The following B4GALT6 variants were observed in gnomAD, a reference collection of about 807,000 sequenced individuals.
B4GALT6 encodes the protein beta-1,4-galactosyltransferase 6, also known as UDP-Gal:beta-GlcNAc beta-1,4-galactosyltransferase 6.
A neutral mutation model predicts 46.3 loss-of-function variants in B4GALT6; 14 were observed. The observed-to-expected ratio is 0.30, with a 90% CI of 0.20 to 0.47. B4GALT6 has a LOEUF of 0.47. B4GALT6 is among the 20% of genes least tolerant of loss of function. The pLI is 0.99. For missense variants in B4GALT6, 386 were observed against 480.1 expected, an observed-to-expected ratio of 0.80 and a Z score of 1.83; for synonymous variants, 168 against 162.0, an observed-to-expected ratio of 1.04 and a Z score of -0.28.
chr18:31,696,860 T>C, the B4GALT6 span, among the ~76,000 whole-genome samples: 1 of 152,202 alleles, frequency 6.6e-6, no homozygotes, highest in Non-Finnish European at 1.5e-5. Flanking sequence ...AATGTGTCTT[T>C]ATTTTGCCCT....
At chr18:31,666,608 AAACT>A (rs1230309318) in intron 1 of B4GALT6, among the ~76,000 whole-genome samples, 12 of 152,332 alleles carry the variant, frequency 7.9e-5, no homozygotes, top group Middle Eastern at 3.4e-3. Context: ...AAATAGAATG[AAACT>A]AACTGAACAA....
chr18:31,664,406 G>A (rs1219593744), intron 2 of B4GALT6, among the ~76,000 whole-genome samples: 1 of 152,044 alleles, frequency 6.6e-6, no homozygotes, highest in African/African-American at 2.4e-5. Flanking sequence ...TTTACCATTA[G>A]TAAAGGAACC....
intron 6 of B4GALT6, among the ~76,000 whole-genome samples, chr18:31,629,493 G>A (rs1392018237): frequency 1.4e-4 from 11 of 76,600 alleles, no homozygotes; most frequent in East Asian, 4.9e-4. Flanking sequence ...TGTGAAAATC[G>A]GTTACCCTGG....
At chr18:31,704,290 C>T in the B4GALT6 span, among the ~76,000 whole-genome samples, 2 of 151,322 alleles carry the variant, frequency 1.3e-5, no homozygotes, top group African/African-American at 4.9e-5. Flanking sequence ...CTTACTGCAA[C>T]CTCCACCTCC....
At chr18:31,630,417 G>T (rs1195282204) in intron 6 of B4GALT6, among the ~76,000 whole-genome samples, 11 of 147,484 alleles carry the variant, frequency 7.5e-5, no homozygotes, top group Non-Finnish European at 1.3e-4. Context: ...AAAGATTTGG[G>T]TTTTTTTTTT....
chr18:31,686,997 G>A (rs944447160), upstream of B4GALT6, among the ~76,000 whole-genome samples: 14 of 152,206 alleles, frequency 9.2e-5, no homozygotes, highest in Non-Finnish European at 1.9e-4. Context: ...AGAATTTGAT[G>A]ATTCATCTAT....
chr18:31,635,060 GTC>G (rs1468293413), intron 5 of B4GALT6, among the ~76,000 whole-genome samples: 1 of 151,998 alleles, frequency 6.6e-6, no homozygotes, highest in Non-Finnish European at 1.5e-5. Context: ...GGCCAACCCT[GTC>G]TCTACTAAAA....
Position 31,684,336 on chromosome 18 carries a change from A to T in B4GALT6, c.91T>A (p.Phe31Ile). 6.2e-7 allele frequency: 1 copy of T among 1,613,590 alleles called. No individual in the cohort carries two copies. ...FFSLSSSCLY[F>I]IYVAPGIANT... ...CCGATGCCTGGGGCCACATAGATGA[A>T]GTACAGACAGGACGAAGAGAGGGAG... The change falls in exon 1 of 9, where the codon TTC becomes ATC. Residue 31 changes from phenylalanine (F) to isoleucine (I), a missense_variant. By Grantham distance (21) the Phe-to-Ile change is conservative. Transcript: ENST00000306851.
At chr18:31,699,274 CT>C in the B4GALT6 span, among the ~76,000 whole-genome samples, 57,742 of 135,836 alleles carry the variant, frequency 0.43, 14,226 homozygotes, top group South Asian at 0.65. Context: ...TTCTTTCTTT[CT>C]TTTTTTTTTT....
chr18:31,677,224 T>C (rs190943746), intron 1 of B4GALT6, among the ~76,000 whole-genome samples: 168 of 152,346 alleles, frequency 1.1e-3, no homozygotes, highest in African/African-American at 3.9e-3. Context: ...TATATTTTCC[T>C]AAACATTTTG....
rs915901939 is a variant in B4GALT6, at chr18:31,623,324, A to G, written c.*2290T>C. On this transcript the variant is annotated 3_prime_UTR_variant, in exon 9 of 9. Transcript: ENST00000306851. ...TCTACACTAAAAAAGCAAAACAAAC[A>G]AACAAAAAGCAAACGAGGTGGTTTT... 2.6e-5 allele frequency: 4 copies of G among 152,538 alleles called. No homozygotes were observed. The highest frequency in any genetic ancestry group is 5.9e-5 in the Non-Finnish European group (4 of 67,884). The allele number at this position is 152,538 out of a possible 1,614,324, so 9.4% of individuals were successfully genotyped here.
At chr18:31,663,047 C>G (rs2074238430) in intron 2 of B4GALT6, among the ~76,000 whole-genome samples, 1 of 152,106 alleles carries the variant, frequency 6.6e-6, no homozygotes, top group Non-Finnish European at 1.5e-5. Flanking sequence ...ATAAAATGAG[C>G]TCTGGGCCCC....
the B4GALT6 span, among the ~76,000 whole-genome samples, chr18:31,707,470 G>C: frequency 1.3e-5 from 2 of 152,002 alleles, no homozygotes; most frequent in South Asian, 2.1e-4. Flanking sequence ...CACAAAAAAA[G>C]GTGGGCAGTG....
At chr18:31,650,887 C>G (rs111840334) in intron 3 of B4GALT6, among the ~76,000 whole-genome samples, 4 of 152,028 alleles carry the variant, frequency 2.6e-5, no homozygotes, top group Admixed American at 6.5e-5. Flanking sequence ...TCCTGCCTCA[C>G]CCCCGAGTAG....
the B4GALT6 span, among the ~76,000 whole-genome samples, chr18:31,694,892 T>C: frequency 6.6e-6 from 1 of 152,220 alleles, no homozygotes; most frequent in African/African-American, 2.4e-5. Context: ...GTCTTTAAAC[T>C]GTTAATGGTA....
the B4GALT6 span, among the ~76,000 whole-genome samples, chr18:31,699,194 A>G: frequency 1.3e-5 from 2 of 152,090 alleles, no homozygotes; most frequent in African/African-American, 4.8e-5. Flanking sequence ...TCATCAGGGA[A>G]AGAAAACATC....
In B4GALT6 at chr18:31,630,417, G is replaced by GTT. The variant is rs572054741; in HGVS notation, c.776+540_776+541dup. Among the ~76,000 whole-genome samples, 133 of 147,480 alleles carry GTT rather than the reference G, an allele frequency of 9.0e-4. 1 individual carries two copies. Among genetic ancestry groups the GTT allele is most frequent in the Middle Eastern group, 7.0e-3 (2 of 286 alleles). On this transcript the variant is annotated intron_variant, in intron 6 of 8. Transcript: ENST00000306851. Reference sequence around the variant, plus strand: ...CCAATTAGAGAAGGAAAAGATTTGGGTTTTTTTTTTTTATTATTAAAGGGC... The same window carrying GTT: ...CCAATTAGAGAAGGAAAAGATTTGGGTTTTTTTTTTTTTTATTATTAAAGGGC...
Position 31,631,069 on chromosome 18 carries a change from G to T in B4GALT6, c.666C>A (p.Asp222Glu). The change falls in exon 6 of 9, where the codon GAC (aspartate) becomes GAA (glutamate). Residue 222 changes from aspartate (D) to glutamate (E), a missense_variant. By Grantham distance (45) the Asp-to-Glu change is conservative (BLOSUM62 2). Transcript: ENST00000306851. ...FKEAMKDSVW[D>E]CVIFHDVDHL... Reference sequence around the variant, plus strand: ...GATCCACATCGTGGAAGATTACACAGTCCCAGACACTGTCTTTCATGGCCT... The same window carrying T: ...GATCCACATCGTGGAAGATTACACATTCCCAGACACTGTCTTTCATGGCCT... The T allele has an allele frequency of 1.9e-6, 3 of 1,614,148 alleles. No homozygotes were observed. Among genetic ancestry groups the T allele is most frequent in the Non-Finnish European group, 2.5e-6 (3 of 1,180,026 alleles).
intron 6 of B4GALT6, among the ~76,000 whole-genome samples, chr18:31,627,564 T>C (rs996862394): frequency 1.3e-5 from 2 of 152,176 alleles, no homozygotes; most frequent in Non-Finnish European, 2.9e-5. Flanking sequence ...AAATATCAAT[T>C]ACAAAAGACA....
Sources: gnomAD v4.1 joint callset for allele counts (sites outside exome capture counted in the v4.1 genomes callset) on GRCh38, gnomAD v4.1.1 for gene constraint, MANE v1.5 for transcripts, NCBI Gene and HGNC (gene_info 2026-07-23, HGNC 2026-07-21) for gene names.